The following RELN variants were observed in gnomAD, a reference collection of about 807,000 sequenced individuals.
The protein encoded by RELN is reelin.
Under a neutral mutation model 427.6 loss-of-function variants are expected in RELN, and 108 were observed. That is an observed-to-expected ratio of 0.25 (90% CI 0.22 to 0.30). The LOEUF is 0.30. RELN is among the 10% of genes least tolerant of loss of function. The probability of loss-of-function intolerance (pLI) is 1.00; values close to 1 mark genes in which losing one functional copy is unlikely to be tolerated. For missense variants in RELN, 3,715 were observed against 4,302.8 expected (o/e 0.86, Z 3.82); for synonymous variants, 1,524 against 1,513.4 (o/e 1.01, Z -0.16).
chr7:103,918,556 C>T (rs923262254), intron 1 of RELN, among the ~76,000 whole-genome samples: 7 of 152,156 alleles, frequency 4.6e-5, no homozygotes, highest in African/African-American at 1.7e-4. Flanking sequence ...CAAACTCCAT[C>T]AAGGCAGGCA....
intron 2 of RELN, among the ~76,000 whole-genome samples, chr7:103,837,475 A>T (rs770327017): frequency 1.3e-5 from 2 of 152,208 alleles, no homozygotes; most frequent in African/African-American, 2.4e-5. Flanking sequence ...CTTTCAATAC[A>T]GCAGGCCCCA....
chr7:103,954,934 GATAAA>G (rs1796403865), intron 1 of RELN, among the ~76,000 whole-genome samples: 1 of 152,098 alleles, frequency 6.6e-6, no homozygotes, highest in Admixed American at 6.5e-5. Context: ...GACTTTAAAA[GATAAA>G]ATAAAAGCCT....
chr7:103,503,221 C>T lies in RELN; in HGVS notation c.8284G>A (p.Gly2762Arg). Residue 2762 changes from glycine to arginine, a missense_variant, in exon 52 of 65, where the codon GGA becomes AGA. Gly to Arg is a moderately radical substitution (Grantham distance 125). Transcript: ENST00000428762. Reference protein sequence around the residue: ...GWIMQFKISVGCKVSEKIAQN... With the variant: ...GWIMQFKISVRCKVSEKIAQN... ...GCAATTTTTTCAGACACCTTACATC[C>T]AACTGAGATCTAATAAACAGAAAAA... is the stretch of plus-strand genomic sequence containing the variant. The T allele has an allele frequency of 4.3e-6, 7 of 1,613,466 alleles. No individual in the cohort carries two copies. The highest frequency in any genetic ancestry group is 5.1e-6 in the Non-Finnish European group (6 of 1,179,418).
chr7:103,570,390 G>A (rs1239981657), intron 31 of RELN, among the ~76,000 whole-genome samples: 1 of 152,222 alleles, frequency 6.6e-6, no homozygotes, highest in Non-Finnish European at 1.5e-5. Flanking sequence ...TGTATCAAAT[G>A]TCACTTCCTT....
At chr7:103,850,876 C>T (rs566970656) in intron 2 of RELN, among the ~76,000 whole-genome samples, 1 of 152,256 alleles carries the variant, frequency 6.6e-6, no homozygotes, top group East Asian at 1.9e-4. Flanking sequence ...AATGCTTCTA[C>T]ACTGCTGGTG....
intron 2 of RELN, among the ~76,000 whole-genome samples, chr7:103,882,103 C>A (rs77841465): frequency 2.5e-4 from 38 of 152,170 alleles, no homozygotes; most frequent in East Asian, 2.1e-3. Context: ...ATTCTCTGAA[C>A]CAAAGCACAG....
At chr7:103,575,071 G>A (rs962782926) in intron 29 of RELN, among the ~76,000 whole-genome samples, 5 of 152,194 alleles carry the variant, frequency 3.3e-5, no homozygotes, top group Non-Finnish European at 7.3e-5. Context: ...GTGGTTAAGA[G>A]CTTGGGTTTG....
At chr7:103,654,840 C>A (rs1217092275) in intron 12 of RELN, among the ~76,000 whole-genome samples, 1 of 151,986 alleles carries the variant, frequency 6.6e-6, no homozygotes, top group Non-Finnish European at 1.5e-5. Context: ...CAATTAAGAT[C>A]ATCTTGATGA....
At chr7:103,628,855 GA>G (rs1832387251) in intron 20 of RELN, among the ~76,000 whole-genome samples, 1 of 152,166 alleles carries the variant, frequency 6.6e-6, no homozygotes, top group Admixed American at 6.5e-5. Flanking sequence ...GTGGGTTTTG[GA>G]ATCATGCAGG....
intron 46 of RELN, among the ~76,000 whole-genome samples, chr7:103,533,833 G>A (rs1220542438): frequency 1.3e-5 from 2 of 152,204 alleles, no homozygotes; most frequent in African/African-American, 2.4e-5. Context: ...TTTGCAAAAT[G>A]TGACTGAGTA....
At chr7:103,805,022 A>G (rs529586047) in intron 3 of RELN, among the ~76,000 whole-genome samples, 1 of 152,202 alleles carries the variant, frequency 6.6e-6, no homozygotes, top group East Asian at 1.9e-4. Flanking sequence ...TATCTATTAC[A>G]TATGCATTAT....
chr7:103,915,129 C>T (rs1222232354), intron 2 of RELN, among the ~76,000 whole-genome samples: 1 of 152,094 alleles, frequency 6.6e-6, no homozygotes, highest in Admixed American at 6.6e-5. Context: ...TAGAACATAG[C>T]CAGCCTCTTC....
intron 46 of RELN, among the ~76,000 whole-genome samples, chr7:103,531,016 G>A (rs1320382518): frequency 6.6e-6 from 1 of 152,226 alleles, no homozygotes; most frequent in East Asian, 1.9e-4. Context: ...AGATTAAGCT[G>A]TGACTTAGGA....
chr7:103,970,065 C>A (rs1584409757), intron 1 of RELN, among the ~76,000 whole-genome samples: 1 of 152,134 alleles, frequency 6.6e-6, no homozygotes, highest in Non-Finnish European at 1.5e-5. Flanking sequence ...ATACTCAACC[C>A]CACACCTGAG....
intron 2 of RELN, among the ~76,000 whole-genome samples, chr7:103,859,970 T>C (rs773619856): frequency 1.3e-5 from 2 of 152,134 alleles, no homozygotes; most frequent in East Asian, 3.9e-4. Context: ...CAAATCCCCA[T>C]GAACAAAATA....
rs764249238 is a variant in RELN at position 103,604,496 on chromosome 7, T to A, written c.3009-13A>T. 6.2e-7 allele frequency: 1 copy of A among 1,613,618 alleles called. No individual in the cohort carries two copies. The highest frequency in any genetic ancestry group is 1.3e-5 in the African/African-American group (1 of 74,920). On this transcript the variant is annotated splice_polypyrimidine_tract_variant and intron_variant, in intron 22 of 64. Transcript: ENST00000428762. ...GGTAGCACTGGACCTAGAAACACGG[T>A]ATAGTATAACAAAAACGGTTTCAAC...
intron 1 of RELN, among the ~76,000 whole-genome samples, chr7:103,942,130 C>T (rs1487865982): frequency 1.3e-5 from 2 of 152,092 alleles, no homozygotes; most frequent in Non-Finnish European, 2.9e-5. Flanking sequence ...CATCAATCAC[C>T]TCGCATACTT....
At chr7:103,904,974 C>CCTTTTTTTTTTTTTT (rs1795164681) in intron 2 of RELN, among the ~76,000 whole-genome samples, 1 of 98,226 alleles carries the variant, frequency 1.0e-5, no homozygotes, top group Admixed American at 1.4e-4. Flanking sequence ...GAAGTTCTTT[C>CCTTTTTTTTTTTTTT]CTTTTTTTTT....
intron 1 of RELN, among the ~76,000 whole-genome samples, chr7:103,932,064 C>T (rs1795878124): frequency 6.6e-6 from 1 of 152,130 alleles, no homozygotes; most frequent in Non-Finnish European, 1.5e-5. Flanking sequence ...ATAAATCATT[C>T]GACCATAAAG....
Sources: allele counts gnomAD v4.1 joint callset (sites outside exome capture counted in the v4.1 genomes callset), GRCh38; gene constraint gnomAD v4.1.1; transcripts MANE v1.5; gene names NCBI Gene and HGNC (gene_info 2026-07-23, HGNC 2026-07-21).